The following MED13 variants were observed in gnomAD, a reference collection of about 807,000 sequenced individuals.
MED13 encodes the protein mediator of RNA polymerase II transcription subunit 13.
A neutral mutation model predicts 225.2 loss-of-function variants in MED13; 23 were observed. That is an observed-to-expected ratio of 0.10 (90% CI 0.07 to 0.14). The LOEUF (loss-of-function observed/expected upper bound fraction) is 0.14, where lower values mean the gene tolerates loss of function less well. Ranked by LOEUF, MED13 falls within the 10% of genes least tolerant of loss-of-function variation. MED13 has a pLI of 1.00. For synonymous variants in MED13, 942 were observed against 889.2 expected, an observed-to-expected ratio of 1.06 and a Z score of -1.06; for missense variants, 2,197 against 2,594.5, an observed-to-expected ratio of 0.85 and a Z score of 3.33.
chr17:61,980,989 G>T (rs764014633), intron 16 of MED13, among the ~76,000 whole-genome samples: 1 of 150,730 alleles, frequency 6.6e-6, no homozygotes, highest in Non-Finnish European at 1.5e-5. Context: ...CTCCCAAAGT[G>T]CTGGGATTAG....
chr17:61,959,018 T>C (rs1469318725), intron 23 of MED13, among the ~76,000 whole-genome samples: 1 of 151,880 alleles, frequency 6.6e-6, no homozygotes, highest in African/African-American at 2.4e-5. Context: ...TTTTTTTTTC[T>C]TTAAGACAGA....
At position 62,001,387 on chromosome 17, in the gene MED13, C is replaced by CTTTCTATA. The variant is rs544317165; in HGVS notation, c.1968-6023_1968-6022insTATAGAAA. On this transcript the variant is annotated intron_variant, in intron 9 of 29. Transcript: ENST00000397786. ...TCACTTTCTATATGAGTTGTCCAAA[C>CTTTCTATA]TGATCTCCTTTCACACAGACATATC... 3.9e-4 allele frequency among the ~76,000 whole-genome samples: 59 copies of CTTTCTATA among 152,318 alleles called. No homozygotes were observed. In the East Asian group the frequency reaches 0.011, roughly 29 times the overall value.
At chr17:61,947,490 C>A (rs985915319) in intron 28 of MED13, among the ~76,000 whole-genome samples, 1 of 152,140 alleles carries the variant, frequency 6.6e-6, no homozygotes, top group African/African-American at 2.4e-5. Context: ...TAAGGAGGCA[C>A]TAAATTGAGT....
Position 62,010,782 on chromosome 17 carries a change from T to C in MED13, c.1735A>G (p.Ile579Val). The C allele has an allele frequency of 6.2e-7, 1 of 1,614,228 alleles. No individual in the cohort carries two copies. Among genetic ancestry groups the C allele is most frequent in the Non-Finnish European group, 8.5e-7 (1 of 1,180,040 alleles). ...LVPSKPMEDR[I>V]DSLSQSFPPQ... ...GGGAAAGACTGGGACAAACTGTCTATCCTATCTTCCATTGGTTTAGAAGGA... is the reference window on the plus strand; with the variant it reads ...GGGAAAGACTGGGACAAACTGTCTACCCTATCTTCCATTGGTTTAGAAGGA... The change falls in exon 9 of 30, where the codon ATA becomes GTA. Residue 579 changes from isoleucine (I) to valine (V), a missense_variant. By Grantham distance (29) the Ile-to-Val change is conservative (BLOSUM62 3). This residue lies in a region of MED13 where 884 missense variants were observed against 918.5 expected (regional missense o/e 0.96). Coordinates refer to ENST00000397786, the MANE Select transcript of MED13 (RefSeq NM_005121.3).
intron 23 of MED13, 56 bp from the exon 24 acceptor site, chr17:61,956,537 C>T (rs749162082): frequency 9.0e-5 from 139 of 1,542,410 alleles, no homozygotes; most frequent in South Asian, 2.1e-4. Flanking sequence ...TATGATTTTG[C>T]TGTTGTTGTT....
rs1368308785 is a variant in MED13, at chr17:61,984,259, G to A, written c.2800C>T (p.Pro934Ser). The change falls in exon 15 of 30, where the codon CCA (proline) becomes TCA (serine). Residue 934 changes from proline (P) to serine (S), a missense_variant. This residue lies in a region of MED13 where 160 missense variants were observed against 184.8 expected (regional missense o/e 0.87). Coordinates refer to ENST00000397786, the MANE Select transcript of MED13 (RefSeq NM_005121.3). ...PSQYLPPIKL[P>S]EECIYRQSWT... ...CTCTGACGGTAAATACACTCTTCTG[G>A]CAATTTGATAGGGGGCAGATATTGG... 1.2e-6 allele frequency: 2 copies of A among 1,611,642 alleles called. No homozygotes were observed. Among genetic ancestry groups the A allele is most frequent in the African/African-American group, 1.3e-5 (1 of 74,842 alleles).
At chr17:61,994,401 TA>T (rs1327109907) in intron 10 of MED13, among the ~76,000 whole-genome samples, 1 of 152,258 alleles carries the variant, frequency 6.6e-6, no homozygotes, top group Non-Finnish European at 1.5e-5. Flanking sequence ...CTAATAACTA[TA>T]TATCTTGCAC....
intron 23 of MED13, among the ~76,000 whole-genome samples, chr17:61,959,491 C>G (rs1176691607): frequency 6.6e-6 from 1 of 151,768 alleles, no homozygotes; most frequent in African/African-American, 2.4e-5. Context: ...TTAAAAAAAT[C>G]AAAATTGTAT....
intron 10 of MED13, among the ~76,000 whole-genome samples, chr17:61,993,171 C>T (rs1423659377): frequency 6.6e-6 from 1 of 150,834 alleles, no homozygotes; most frequent in East Asian, 1.9e-4. Context: ...TGTCAAATTC[C>T]AAAGTCCATG....
At chr17:61,961,831 C>T in intron 21 of MED13, 52 bp from the exon 22 acceptor site, 1 of 1,526,698 alleles carries the variant, frequency 6.6e-7, no homozygotes, top group Non-Finnish European at 9.0e-7. Context: ...AAGAGAATAA[C>T]AGGAACTGTG....
chr17:62,032,179 A>C (rs1005628141), intron 5 of MED13, among the ~76,000 whole-genome samples: 2 of 151,956 alleles, frequency 1.3e-5, no homozygotes, highest in Non-Finnish European at 2.9e-5. Context: ...GACAAACAAC[A>C]ACAAAAAAAA....
At chr17:61,950,112 G>A (rs2079884263) in intron 28 of MED13, among the ~76,000 whole-genome samples, 1 of 152,124 alleles carries the variant, frequency 6.6e-6, no homozygotes, top group African/African-American at 2.4e-5. Flanking sequence ...ACCAATTTAT[G>A]ACTTTAAACA....
At chr17:61,981,314 G>A (rs2080202550) in intron 16 of MED13, among the ~76,000 whole-genome samples, 3 of 152,144 alleles carry the variant, frequency 2.0e-5, no homozygotes, top group Admixed American at 2.0e-4. Context: ...GAGCCACTGT[G>A]CCAGACTGAG....
intron 16 of MED13, among the ~76,000 whole-genome samples, chr17:61,973,671 C>T (rs1031721302): frequency 1.3e-5 from 2 of 151,974 alleles, no homozygotes; most frequent in African/African-American, 2.4e-5. Flanking sequence ...CGTTATTGGC[C>T]CCAATTTCCT....
chr17:61,982,719 A>G lies in MED13; in HGVS notation c.3284T>C (p.Ile1095Thr). 1 of 1,614,212 alleles carries G rather than the reference A, an allele frequency of 6.2e-7. No individual in the cohort carries two copies. Residue 1095 changes from isoleucine to threonine, a missense_variant, in exon 16 of 30, where the codon ATC becomes ACC. Coordinates refer to ENST00000397786, the MANE Select transcript of MED13 (RefSeq NM_005121.3). Reference sequence around the variant, plus strand: ...CTTGATGTTCATGTTGCAAACACAGATGCAACAACTATCAAAGTTACAGTC... The same window carrying G: ...CTTGATGTTCATGTTGCAAACACAGGTGCAACAACTATCAAAGTTACAGTC... The part of the protein sequence containing the change: ...FKDCNFDSCC[I>T]CVCNMNIKGA...
chr17:61,944,027 C>T lies in MED13; in HGVS notation c.*2441G>A, dbSNP rs1353605493. 6.6e-6 allele frequency: 1 copy of T among 152,434 alleles called. No individual in the cohort carries two copies. Among genetic ancestry groups the T allele is most frequent in the Non-Finnish European group, 1.5e-5 (1 of 67,992 alleles). 9.4% of individuals were successfully genotyped at this position (152,434 alleles called of 1,614,324 possible). On this transcript the variant is annotated 3_prime_UTR_variant, in exon 30 of 30. Transcript: ENST00000397786. ...TAATTTCTCAAATAAGTCTACTGAG[C>T]TTTTCTAATGGTTATTTAATAACTT...
chr17:61,975,464 A>T (rs367752445), intron 16 of MED13, among the ~76,000 whole-genome samples: 1 of 152,244 alleles, frequency 6.6e-6, no homozygotes, highest in Admixed American at 6.5e-5. Context: ...TATAATAAGA[A>T]AAACAATGTG....
chr17:61,976,725 G>A (rs558504426), intron 16 of MED13, among the ~76,000 whole-genome samples: 7 of 152,226 alleles, frequency 4.6e-5, no homozygotes, highest in Non-Finnish European at 8.8e-5. Flanking sequence ...ACGAGGTCAG[G>A]AGATCGAGAC....
chr17:61,987,943 A>G (rs1216323273), intron 11 of MED13, among the ~76,000 whole-genome samples: 1 of 151,318 alleles, frequency 6.6e-6, no homozygotes, highest in African/African-American at 2.4e-5. Context: ...GGGTTTTGCC[A>G]TATTGCCCAG....
Sources: allele counts gnomAD v4.1 joint callset (sites outside exome capture counted in the v4.1 genomes callset), GRCh38; gene constraint gnomAD v4.1.1; regional missense constraint gnomAD v4.1.1; transcripts MANE v1.5; gene names NCBI Gene and HGNC (gene_info 2026-07-23, HGNC 2026-07-21).